Variants in NTM observed in about 807,000 individuals in gnomAD.
NTM encodes the protein neurotrimin.
Under a neutral mutation model 42.1 loss-of-function variants are expected in NTM, and 13 were observed. The ratio of observed to expected loss-of-function variants is 0.31; its 90% CI spans 0.20 to 0.49. The LOEUF is 0.49. Among genes scored for constraint, NTM ranks in the 20% least tolerant of loss-of-function variants. The pLI is 0.99. For synonymous variants in NTM, 187 were observed against 179.2 expected (o/e 1.04, Z -0.35); for missense variants, 373 against 452.8 (o/e 0.82, Z 1.60).
At chr11:131,835,090 C>T (rs2043318064) in intron 1 of NTM, among the ~76,000 whole-genome samples, 1 of 152,144 alleles carries the variant, frequency 6.6e-6, no homozygotes, top group Non-Finnish European at 1.5e-5. Flanking sequence ...GGCTTACACT[C>T]TGGAGACTGG....
intron 2 of NTM, among the ~76,000 whole-genome samples, chr11:132,125,458 T>A (rs867048013): frequency 6.7e-6 from 1 of 149,984 alleles, no homozygotes. Context: ...GTGTATGTGG[T>A]GTGTAGTGTG....
At chr11:132,248,747 T>C (rs1183405227) in intron 4 of NTM, among the ~76,000 whole-genome samples, 2 of 152,226 alleles carry the variant, frequency 1.3e-5, no homozygotes, top group African/African-American at 2.4e-5. Flanking sequence ...AGTGTGCCCA[T>C]TGATGCCAGG....
intron 1 of NTM, among the ~76,000 whole-genome samples, chr11:131,752,407 G>A (rs1031420572): frequency 1.3e-5 from 2 of 152,170 alleles, no homozygotes; most frequent in African/African-American, 4.8e-5. Context: ...TGGAGAGGAT[G>A]TGGAGAAATA....
chr11:131,886,436 A>G (rs1289266564), intron 1 of NTM, among the ~76,000 whole-genome samples: 1 of 152,192 alleles, frequency 6.6e-6, no homozygotes, highest in African/African-American at 2.4e-5. Flanking sequence ...CCACCTGGGG[A>G]TGCAATGGTT....
At chr11:131,567,469 T>C (rs1231477926) in intron 1 of NTM, among the ~76,000 whole-genome samples, 1 of 151,798 alleles carries the variant, frequency 6.6e-6, no homozygotes, top group Non-Finnish European at 1.5e-5. Flanking sequence ...GCCTGGGCAA[T>C]AGAGCAAGAA....
chr11:131,472,594 G>A (rs977767753), intron 1 of NTM, among the ~76,000 whole-genome samples: 30 of 152,140 alleles, frequency 2.0e-4, no homozygotes, highest in Non-Finnish European at 8.8e-5. Flanking sequence ...AATGTTAGGT[G>A]CCTTAAGAAA....
In NTM at chr11:132,002,032, G is replaced by A. The variant is rs1422280115; in HGVS notation, c.167+90384G>A. On this transcript the variant is annotated intron_variant, in intron 2 of 8. Coordinates refer to ENST00000683400, the MANE Select transcript of NTM (RefSeq NM_001352005.2). This position sits in a 1 kb window ranked among gnomAD's most constrained non-coding sequence, Gnocchi z 4.5. Reference sequence around the variant, plus strand: ...AAACTTGAATAAAAGCAATGGCAGGGACAGCCAAAGAGGAATCAGAATCAG... The same window carrying A: ...AAACTTGAATAAAAGCAATGGCAGGAACAGCCAAAGAGGAATCAGAATCAG... Among the ~76,000 whole-genome samples the A allele has an allele frequency of 6.6e-6, 1 of 152,142 alleles. No individual in the cohort carries two copies. The highest frequency in any genetic ancestry group is 1.5e-5 in the Non-Finnish European group (1 of 68,038).
intron 1 of NTM, among the ~76,000 whole-genome samples, chr11:131,440,273 G>T (rs1949507812): frequency 6.6e-6 from 1 of 152,000 alleles, no homozygotes. Flanking sequence ...TTTCTGTTGA[G>T]AGGTGGGTGC....
chr11:131,578,786 A>G (rs1370378127), intron 1 of NTM, among the ~76,000 whole-genome samples: 3 of 152,088 alleles, frequency 2.0e-5, no homozygotes, highest in African/African-American at 7.2e-5. Context: ...CTTATGTAGT[A>G]TTTATTATTT....
intron 1 of NTM, among the ~76,000 whole-genome samples, chr11:131,550,277 C>T (rs979982514): frequency 6.6e-6 from 1 of 152,026 alleles, no homozygotes; most frequent in Non-Finnish European, 1.5e-5. Flanking sequence ...AAGACCCCAC[C>T]TCTACAAAAA....
chr11:131,556,563 ATTTT>A (rs34911090), intron 1 of NTM, among the ~76,000 whole-genome samples: 6 of 98,432 alleles, frequency 6.1e-5, no homozygotes, highest in Non-Finnish European at 4.2e-5. Flanking sequence ...ACACATAGGA[ATTTT>A]TTTTTTTTTT....
intron 2 of NTM, among the ~76,000 whole-genome samples, chr11:132,024,346 C>T (rs1241067749): frequency 6.6e-6 from 1 of 152,110 alleles, no homozygotes; most frequent in East Asian, 1.9e-4. Context: ...GCACTGGTTC[C>T]AGGATTTCCC....
chr11:131,431,062 C>T (rs1948611594), intron 1 of NTM, among the ~76,000 whole-genome samples: 1 of 152,208 alleles, frequency 6.6e-6, no homozygotes. Flanking sequence ...GTCGCAGAGA[C>T]CTGCAAAATC....
rs190497664 is a variant in NTM at position 132,176,976 on chromosome 11, G to A, written c.400+30462G>A. ...ACTCCTAACCTCAGGTGATCCACCT[G>A]CCTTGGCCTCCCAAAGTGCCAAAGT... On this transcript the variant is annotated intron_variant, in intron 3 of 8. Transcript: ENST00000683400. 1.6e-4 allele frequency among the ~76,000 whole-genome samples: 24 copies of A among 152,066 alleles called. No individual in the cohort carries two copies. In the East Asian group the frequency reaches 4.5e-3, roughly 28 times the overall value.
intron 1 of NTM, among the ~76,000 whole-genome samples, chr11:131,792,141 T>C (rs1257334411): frequency 6.6e-6 from 1 of 152,070 alleles, no homozygotes; most frequent in Non-Finnish European, 1.5e-5. Flanking sequence ...CAGTGGAAAA[T>C]GTGTAACCAT....
chr11:132,165,301 G>C (rs901802319), intron 3 of NTM, among the ~76,000 whole-genome samples: 18 of 152,152 alleles, frequency 1.2e-4, no homozygotes, highest in African/African-American at 4.3e-4. Context: ...TAGAGGACTA[G>C]AGATCGTCCT....
chr11:131,634,302 C>T (rs1001675446), intron 1 of NTM, among the ~76,000 whole-genome samples: 1 of 151,978 alleles, frequency 6.6e-6, no homozygotes, highest in Non-Finnish European at 1.5e-5. Context: ...TGAAAGTTAA[C>T]TATACTGCAG....
rs529359451 is a variant in NTM, at chr11:131,794,082, C to T, written c.83-117482C>T. 4.6e-5 allele frequency among the ~76,000 whole-genome samples: 7 copies of T among 152,282 alleles called. No homozygotes were observed. The South Asian group carries it at 1.2e-3, about 27-fold the overall frequency. On this transcript the variant is annotated intron_variant, in intron 1 of 8. Coordinates refer to ENST00000683400, the MANE Select transcript of NTM (RefSeq NM_001352005.2). ...CACTTCAGACTACTGAACTCATGGACGGTTCTCCAGGCAGGGACATGCTGC... is the reference window on the plus strand; with the variant it reads ...CACTTCAGACTACTGAACTCATGGATGGTTCTCCAGGCAGGGACATGCTGC...
At chr11:131,521,316 G>GAAATAAATAAAT (rs201311970) in intron 1 of NTM, among the ~76,000 whole-genome samples, 236 of 109,652 alleles carry the variant, frequency 2.2e-3, no homozygotes, top group African/African-American at 7.1e-3. Context: ...CTCCATCTCA[G>GAAATAAATAAAT]AAATAAATAA....
Sources: allele counts gnomAD v4.1 joint callset (sites outside exome capture counted in the v4.1 genomes callset), GRCh38; gene constraint gnomAD v4.1.1; non-coding constraint Gnocchi (gnomAD v3.1); transcripts MANE v1.5; gene names NCBI Gene and HGNC (gene_info 2026-07-23, HGNC 2026-07-21).